The following SMYD3 variants were observed in gnomAD, a reference collection of about 807,000 sequenced individuals.
SMYD3 encodes the protein SET and MYND domain containing 3.
A neutral mutation model predicts 57.7 loss-of-function variants in SMYD3; 36 were observed. The observed-to-expected ratio is 0.62, with a 90% CI of 0.48 to 0.82. The LOEUF (loss-of-function observed/expected upper bound fraction) is 0.82. SMYD3 is among the 40% of genes least tolerant of loss of function. SMYD3 has a pLI of 0.00. For synonymous variants in SMYD3, 211 were observed against 195.0 expected (o/e 1.08, Z -0.68); for missense variants, 515 against 538.8 (o/e 0.96, Z 0.44).
intron 1 of SMYD3, among the ~76,000 whole-genome samples, chr1:246,374,475 GCT>G (rs1558431072): frequency 6.6e-6 from 1 of 152,100 alleles, no homozygotes; most frequent in Non-Finnish European, 1.5e-5. Context: ...ACCACTTGGT[GCT>G]CTGTTTTTCT....
At chr1:246,094,958 C>T (rs2060887535) in intron 5 of SMYD3, among the ~76,000 whole-genome samples, 1 of 152,080 alleles carries the variant, frequency 6.6e-6, no homozygotes, top group Non-Finnish European at 1.5e-5. Context: ...TACGGCAAGC[C>T]CCGCATTGGT....
At chr1:246,004,962 C>T (rs544091832) in intron 5 of SMYD3, among the ~76,000 whole-genome samples, 3 of 152,300 alleles carry the variant, frequency 2.0e-5, no homozygotes, top group South Asian at 4.1e-4. Flanking sequence ...CCTCCCACCT[C>T]GGCCTCCCGA....
At chr1:245,846,858 C>T (rs1440089008) in intron 10 of SMYD3, among the ~76,000 whole-genome samples, 1 of 152,204 alleles carries the variant, frequency 6.6e-6, no homozygotes, top group Non-Finnish European at 1.5e-5. Context: ...CATTACGGTG[C>T]TATTTCCAAT....
At chr1:245,790,313 G>C (rs540622980) in intron 10 of SMYD3, among the ~76,000 whole-genome samples, 2 of 152,324 alleles carry the variant, frequency 1.3e-5, no homozygotes, top group Admixed American at 6.5e-5. Flanking sequence ...TATAGAAGGA[G>C]AGCTGCAGTG....
In SMYD3 at chr1:245,812,715, A is replaced by AAAAAG. The variant is rs1399803004; in HGVS notation, c.1076+45780_1076+45781insCTTTT. Among the ~76,000 whole-genome samples, 113 of 150,558 alleles carry AAAAAG rather than the reference A, an allele frequency of 7.5e-4. 1 individual carries two copies. The highest frequency in any genetic ancestry group is 3.4e-3 in the Middle Eastern group (1 of 294). ...AACAACAGTTCCAAAAAAAAAAAAA[A>AAAAAG]AGAGAAAGAGCGAGCGAGAGAGACA... On this transcript the variant is annotated intron_variant, in intron 10 of 11. Transcript: ENST00000490107.
intron 5 of SMYD3, among the ~76,000 whole-genome samples, chr1:245,987,436 G>A (rs1255658349): frequency 1.3e-5 from 2 of 152,010 alleles, no homozygotes; most frequent in African/African-American, 4.8e-5. Context: ...CCAAAAATTA[G>A]AGGTAAAAAA....
At chr1:246,120,646 G>A (rs1366907274) in intron 5 of SMYD3, among the ~76,000 whole-genome samples, 22 of 152,122 alleles carry the variant, frequency 1.4e-4, no homozygotes, top group Admixed American at 1.2e-3. Context: ...GGCATAATGC[G>A]TGGCTCATAA....
At chr1:246,135,296 A>G (rs2061650608) in intron 5 of SMYD3, among the ~76,000 whole-genome samples, 1 of 152,148 alleles carries the variant, frequency 6.6e-6, no homozygotes, top group African/African-American at 2.4e-5. Context: ...GTACCTGCGA[A>G]CACAAAGCAA....
intron 5 of SMYD3, among the ~76,000 whole-genome samples, chr1:246,190,067 G>T (rs2062708011): frequency 6.6e-6 from 1 of 152,160 alleles, no homozygotes; most frequent in Non-Finnish European, 1.5e-5. Flanking sequence ...GATCTCAAAG[G>T]AAAGGTAATA....
intron 1 of SMYD3, among the ~76,000 whole-genome samples, chr1:246,456,276 C>T (rs1032208591): frequency 6.6e-6 from 1 of 152,216 alleles, no homozygotes; most frequent in African/African-American, 2.4e-5. Context: ...ATTAGCATTA[C>T]CTCAGTCGAT....
intron 8 of SMYD3, among the ~76,000 whole-genome samples, chr1:245,877,758 G>A (rs1385549789): frequency 6.6e-6 from 1 of 152,180 alleles, no homozygotes; most frequent in East Asian, 1.9e-4. Flanking sequence ...TTTAGGAAAG[G>A]GACGTTCGCT....
intron 5 of SMYD3, among the ~76,000 whole-genome samples, chr1:245,994,108 C>T (rs2148124395): frequency 6.6e-6 from 1 of 152,268 alleles, no homozygotes; most frequent in South Asian, 2.1e-4. Context: ...CTTTTCATTG[C>T]ACTTTTCATT....
intron 1 of SMYD3, among the ~76,000 whole-genome samples, chr1:246,422,905 TAAC>T (rs1316431385): frequency 6.6e-6 from 1 of 151,920 alleles, no homozygotes; most frequent in Non-Finnish European, 1.5e-5. Context: ...TAGAGGATAA[TAAC>T]AAAATTAATT....
At chr1:246,094,548 C>A (rs1416612769) in intron 5 of SMYD3, among the ~76,000 whole-genome samples, 1 of 152,130 alleles carries the variant, frequency 6.6e-6, no homozygotes, top group Non-Finnish European at 1.5e-5. Flanking sequence ...GAGAGCATGT[C>A]CCCCGCCTCG....
chr1:245,908,909 A>G (rs1472068253), intron 8 of SMYD3, among the ~76,000 whole-genome samples: 1 of 152,212 alleles, frequency 6.6e-6, no homozygotes, highest in Non-Finnish European at 1.5e-5. Context: ...TCAAGGAACT[A>G]GAAAAACAAG....
At chr1:246,053,672 T>C (rs1315827160) in intron 5 of SMYD3, among the ~76,000 whole-genome samples, 1 of 152,062 alleles carries the variant, frequency 6.6e-6, no homozygotes, top group African/African-American at 2.4e-5. Context: ...GGATTATAGT[T>C]GGGCATGGTG....
chr1:245,884,124 G>A lies in SMYD3; in HGVS notation c.814-20238C>T, dbSNP rs141945044. Reference sequence around the variant, plus strand: ...CTTAGAAGACCTGTACAAAACAAATGCCACCATATCTTCTTAAAAAAGCCC... The same window carrying A: ...CTTAGAAGACCTGTACAAAACAAATACCACCATATCTTCTTAAAAAAGCCC... On this transcript the variant is annotated intron_variant, in intron 8 of 11. Coordinates refer to ENST00000490107, the MANE Select transcript of SMYD3 (RefSeq NM_001167740.2). Among the ~76,000 whole-genome samples, 278 of 152,218 alleles carry A rather than the reference G, an allele frequency of 1.8e-3. 7 individuals carry two copies. In the East Asian group the frequency reaches 0.049, roughly 27 times the overall value.
chr1:246,486,067 C>T (rs952872094), intron 1 of SMYD3, among the ~76,000 whole-genome samples: 1 of 152,222 alleles, frequency 6.6e-6, no homozygotes. Context: ...GCTTACTTAT[C>T]AGTCACATAT....
chr1:246,195,233 T>G (rs1297472312), intron 5 of SMYD3, among the ~76,000 whole-genome samples: 1 of 152,300 alleles, frequency 6.6e-6, no homozygotes, highest in South Asian at 2.1e-4. Context: ...TATAAAAAAC[T>G]TGTGACTGTG....
Sources: allele counts gnomAD v4.1 joint callset (sites outside exome capture counted in the v4.1 genomes callset), GRCh38; gene constraint gnomAD v4.1.1; transcripts MANE v1.5; gene names NCBI Gene and HGNC (gene_info 2026-07-23, HGNC 2026-07-21).